IL1R1: variants seen among roughly 807,000 people sequenced by gnomAD.
IL1R1 encodes the protein interleukin 1 receptor type 1.
Under a neutral mutation model 50.2 loss-of-function variants are expected in IL1R1, and 22 were observed. That is an observed-to-expected ratio of 0.44 (90% CI 0.31 to 0.63). IL1R1 has a LOEUF of 0.63. Among genes scored for constraint, IL1R1 ranks in the 20% least tolerant of loss-of-function variants. The pLI is 0.07. For synonymous variants in IL1R1, 251 were observed against 236.7 expected, an observed-to-expected ratio of 1.06 and a Z score of -0.55; for missense variants, 509 against 676.2, an observed-to-expected ratio of 0.75 and a Z score of 2.74.
At chr2:102,078,623 C>G (rs1679081713) in intron 1 of IL1R1, among the ~76,000 whole-genome samples, 4 of 144,150 alleles carry the variant, frequency 2.8e-5, no homozygotes. Flanking sequence ...GGAAAAAAGC[C>G]CATGCCCAGA....
intron 3 of IL1R1, among the ~76,000 whole-genome samples, chr2:102,158,960 T>G (rs1213933621): frequency 6.6e-6 from 1 of 152,156 alleles, no homozygotes; most frequent in African/African-American, 2.4e-5. Flanking sequence ...TGAAATATTT[T>G]GGGAACAGAA....
chr2:102,088,695 G>A (rs1034541830), intron 1 of IL1R1, among the ~76,000 whole-genome samples: 3 of 152,156 alleles, frequency 2.0e-5, no homozygotes, highest in African/African-American at 7.2e-5. Context: ...GTCCTAGATG[G>A]CATTTTCTTC....
chr2:102,084,383 A>T lies in IL1R1; in HGVS notation c.-84+13850A>T, dbSNP rs375893791. 2.3e-3 allele frequency among the ~76,000 whole-genome samples: 348 copies of T among 152,330 alleles called. 9 individuals carry two copies. In the South Asian group the frequency reaches 0.07, roughly 31 times the overall value. On this transcript the variant is annotated intron_variant, in intron 1 of 11. Coordinates refer to the IL1R1 transcript ENST00000409929. ...ACTAAAATAAATACACACAGCGTAC[A>T]GCCCTGTAATAATAGAGGTTGCTCG...
rs962620751 is a variant in IL1R1 at position 102,118,060 on chromosome 2, A to G, written c.-84+13188A>G. Among the ~76,000 whole-genome samples, 7 of 152,178 alleles carry G rather than the reference A, an allele frequency of 4.6e-5. No homozygotes were observed. The South Asian group carries it at 1.0e-3, about 23-fold the overall frequency. ...AGCACAGAGCTCCTAACTTCTTGGA[A>G]TTTCCTGGGTGATGGGAGTCTTTTG... On this transcript the variant is annotated intron_variant, in intron 1 of 10. Coordinates refer to the IL1R1 transcript ENST00000409329.
In IL1R1 at chr2:102,085,308, T is replaced by C. The variant is rs542823348; in HGVS notation, c.-84+14775T>C. On this transcript the variant is annotated intron_variant, in intron 1 of 11. Coordinates refer to the IL1R1 transcript ENST00000409929. ...TTGCCTACTCCAAAGTCATAAAAAT[T>C]TTCTCCTGTGCATTTCTTTAAAGGC... 2.0e-5 allele frequency among the ~76,000 whole-genome samples: 3 copies of C among 152,300 alleles called. No homozygotes were observed. In the East Asian group the frequency reaches 5.8e-4, roughly 29 times the overall value.
At chr2:102,156,314 A>C (rs1214088475) in intron 2 of IL1R1, 3 of 152,682 alleles carry the variant, frequency 2.0e-5, no homozygotes, top group Non-Finnish European at 4.4e-5. Flanking sequence ...ATAAAGGGTC[A>C]GAGTTAAAAG....
At chr2:102,146,801 T>A (rs1034155270) in intron 1 of IL1R1, among the ~76,000 whole-genome samples, 26 of 152,316 alleles carry the variant, frequency 1.7e-4, no homozygotes, top group African/African-American at 6.3e-4. Context: ...ACAAGTCTTT[T>A]CTGAGCAGAA....
Position 102,165,390 on chromosome 2 carries a change from T to C in IL1R1, c.486+86T>C, listed in dbSNP as rs1685098273. The C allele has an allele frequency of 4.5e-6, 3 of 660,716 alleles. No homozygotes were observed. In the South Asian group the frequency reaches 1.1e-4, roughly 25 times the overall value. The allele number at this position is 660,716 out of a possible 1,614,324, so 40.9% of individuals were successfully genotyped here. On this transcript the variant is annotated intron_variant, in intron 5 of 11. Transcript: ENST00000410023. ...ATAGAATGTATCTGCAAAGTACCTT[T>C]TTATTTTGTATATTGTTTTCTCTTT...
intron 1 of IL1R1, among the ~76,000 whole-genome samples, chr2:102,078,832 A>G (rs1378572684): frequency 1.3e-5 from 2 of 152,192 alleles, no homozygotes; most frequent in Admixed American, 1.3e-4. Context: ...ATACAGACAT[A>G]CAAATCCTCA....
chr2:102,135,414 C>T (rs1682291877), intron 1 of IL1R1, among the ~76,000 whole-genome samples: 1 of 152,106 alleles, frequency 6.6e-6, no homozygotes, highest in Non-Finnish European at 1.5e-5. Context: ...ATCTCTGAAG[C>T]TCTTATATTT....
intron 1 of IL1R1, among the ~76,000 whole-genome samples, chr2:102,144,625 C>T (rs148861461): frequency 3.0e-4 from 46 of 151,978 alleles, no homozygotes; most frequent in Middle Eastern, 3.4e-3. Context: ...GCGGTGAATA[C>T]GACAAGTGAA....
At chr2:102,169,126 G>T (rs1685453381) in intron 7 of IL1R1, among the ~76,000 whole-genome samples, 1 of 152,134 alleles carries the variant, frequency 6.6e-6, no homozygotes, top group South Asian at 2.1e-4. Context: ...ATTGATCATT[G>T]TACGACAGAC....
chr2:102,079,156 A>G (rs774428994), intron 1 of IL1R1, among the ~76,000 whole-genome samples: 1 of 152,162 alleles, frequency 6.6e-6, no homozygotes, highest in Non-Finnish European at 1.5e-5. Context: ...CCCACAGCTA[A>G]CATTATACTT....
At chr2:102,100,171 C>T (rs1467603138), upstream of IL1R1, among the ~76,000 whole-genome samples, 2 of 152,332 alleles carry the variant, frequency 1.3e-5, no homozygotes, top group Admixed American at 1.3e-4. Context: ...ATTTTTTTGG[C>T]TTCAGTGTCC....
Position 102,108,945 on chromosome 2 carries a change from G to GAATAAT in IL1R1, c.-84+4112_-84+4117dup, listed in dbSNP as rs147984449. On this transcript the variant is annotated intron_variant, in intron 1 of 10. Coordinates refer to the IL1R1 transcript ENST00000409329. ...TTAGTAATGGTTTGAACTTGGTACT[G>GAATAAT]AATAATAATAATAATAATAATAATA... is the stretch of plus-strand genomic sequence containing the variant. Among the ~76,000 whole-genome samples, 575 of 145,416 alleles carry GAATAAT rather than the reference G, an allele frequency of 4.0e-3. 3 individuals carry two copies. The highest frequency in any genetic ancestry group is 0.01 in the East Asian group (50 of 4,998).
upstream of IL1R1, among the ~76,000 whole-genome samples, chr2:102,139,448 C>A (rs1440007622): frequency 6.6e-6 from 1 of 152,260 alleles, no homozygotes; most frequent in East Asian, 1.9e-4. Flanking sequence ...AATGGCATCC[C>A]TCTCTTCCAG....
chr2:102,163,099 A>C (rs1427540242), intron 3 of IL1R1, among the ~76,000 whole-genome samples: 2 of 152,040 alleles, frequency 1.3e-5, no homozygotes, highest in African/African-American at 4.8e-5. Context: ...TGTTTTTGGA[A>C]AGAAAGCTGC....
rs1164258879 is a variant in IL1R1, at chr2:102,177,703, A to G, written c.*944A>G. 6.6e-6 allele frequency: 1 copy of G among 152,348 alleles called. No homozygotes were observed. The highest frequency in any genetic ancestry group is 2.4e-5 in the African/African-American group (1 of 41,440). 9.4% of individuals were successfully genotyped at this position (152,348 alleles called of 1,614,324 possible). A position where few individuals can be genotyped will look rare whatever the true frequency, so the allele number is the denominator to read the frequency against. Reference sequence around the variant, plus strand: ...AGGAGGGAGAGAACTTAAAAAAGCAACAGTAGCAGGGAATTGATCCACTTC... The same window carrying G: ...AGGAGGGAGAGAACTTAAAAAAGCAGCAGTAGCAGGGAATTGATCCACTTC... On this transcript the variant is annotated 3_prime_UTR_variant, in exon 12 of 12. Transcript: ENST00000410023.
chr2:102,137,953 A>G (rs1682434826), upstream of IL1R1, among the ~76,000 whole-genome samples: 1 of 152,216 alleles, frequency 6.6e-6, no homozygotes, highest in Non-Finnish European at 1.5e-5. Flanking sequence ...GAGATCAATT[A>G]CAAAAAATTG....
Sources: gnomAD v4.1 joint callset for allele counts (sites outside exome capture counted in the v4.1 genomes callset) on GRCh38, gnomAD v4.1.1 for gene constraint, MANE v1.5 for transcripts, NCBI Gene and HGNC (gene_info 2026-07-23, HGNC 2026-07-21) for gene names.